The following PDZRN4 variants were observed in gnomAD, a reference collection of about 807,000 sequenced individuals.
PDZRN4 encodes PDZ domain-containing RING finger protein 4.
PDZRN4 carries 70 observed loss-of-function variants against 99.0 expected under a neutral mutation model. The ratio of observed to expected loss-of-function variants is 0.71; its 90% confidence interval spans 0.58 to 0.86. PDZRN4 has a LOEUF of 0.86. PDZRN4 is among the 40% of genes least tolerant of loss of function. PDZRN4 has a pLI of 0.00. For missense variants in PDZRN4, 1,474 were observed against 1,331.2 expected (o/e 1.11, Z -1.67); for synonymous variants, 551 against 501.6 (o/e 1.10, Z -1.32).
intron 5 of PDZRN4, among the ~76,000 whole-genome samples, chr12:41,533,506 C>T (rs1024569012): frequency 6.6e-6 from 1 of 152,172 alleles, no homozygotes; most frequent in African/African-American, 2.4e-5. Context: ...TAGTAACCCT[C>T]ATTATTTATT....
intron 3 of PDZRN4, among the ~76,000 whole-genome samples, chr12:41,311,999 C>T (rs1015399440): frequency 1.3e-5 from 2 of 152,094 alleles, no homozygotes; most frequent in Admixed American, 1.3e-4. Flanking sequence ...CTTTTTATAG[C>T]TACCAGGCAG....
At chr12:41,509,136 GCT>G (rs1431251793) in intron 4 of PDZRN4, among the ~76,000 whole-genome samples, 2 of 152,094 alleles carry the variant, frequency 1.3e-5, no homozygotes, top group African/African-American at 4.8e-5. Flanking sequence ...AATGTAATCT[GCT>G]CTCTCTGTCA....
At chr12:41,202,012 G>T (rs1407296097) in intron 3 of PDZRN4, among the ~76,000 whole-genome samples, 1 of 152,148 alleles carries the variant, frequency 6.6e-6, no homozygotes. Flanking sequence ...TTACATGCTT[G>T]CCTGCAAAGC....
chr12:41,544,026 A>G (rs541005865), intron 5 of PDZRN4, among the ~76,000 whole-genome samples: 1 of 152,228 alleles, frequency 6.6e-6, no homozygotes, highest in Non-Finnish European at 1.5e-5. Context: ...GATGGACCAG[A>G]AATAACTACT....
intron 5 of PDZRN4, among the ~76,000 whole-genome samples, chr12:41,537,214 T>C (rs993725666): frequency 2.0e-5 from 3 of 152,146 alleles, no homozygotes; most frequent in Non-Finnish European, 4.4e-5. Flanking sequence ...CTCTGTGTAC[T>C]CAGAGGGTGG....
intron 3 of PDZRN4, among the ~76,000 whole-genome samples, chr12:41,215,841 A>C (rs2120711187): frequency 9.4e-6 from 1 of 106,840 alleles, no homozygotes; most frequent in East Asian, 3.0e-4. Flanking sequence ...AAACACGCTA[A>C]GCCTCCATAG....
chr12:41,416,878 T>C (rs1952449902), intron 3 of PDZRN4, among the ~76,000 whole-genome samples: 1 of 152,194 alleles, frequency 6.6e-6, no homozygotes, highest in Non-Finnish European at 1.5e-5. Flanking sequence ...TCCAAATATG[T>C]GTAAACTTTC....
chr12:41,200,177 G>C (rs549958431), intron 3 of PDZRN4, among the ~76,000 whole-genome samples: 6 of 152,208 alleles, frequency 3.9e-5, no homozygotes, highest in Non-Finnish European at 8.8e-5. Flanking sequence ...TCTGTGGATG[G>C]AGGCAGCCTC....
At chr12:41,252,095 G>A (rs1188360247) in intron 3 of PDZRN4, among the ~76,000 whole-genome samples, 1 of 151,690 alleles carries the variant, frequency 6.6e-6, no homozygotes, top group Non-Finnish European at 1.5e-5. Context: ...CAGATCGGGT[G>A]AAAAAGCAAG....
intron 3 of PDZRN4, among the ~76,000 whole-genome samples, chr12:41,307,960 A>G (rs1190812456): frequency 6.6e-6 from 1 of 152,090 alleles, no homozygotes; most frequent in Non-Finnish European, 1.5e-5. Flanking sequence ...AAAAGCAAAA[A>G]CTAAAGCTTA....
intron 3 of PDZRN4, among the ~76,000 whole-genome samples, chr12:41,263,935 C>T (rs1951260802): frequency 6.6e-6 from 1 of 152,112 alleles, no homozygotes; most frequent in African/African-American, 2.4e-5. Flanking sequence ...CCTCTGTGAT[C>T]AAAGGTAAAA....
intron 3 of PDZRN4, among the ~76,000 whole-genome samples, chr12:41,300,151 A>G (rs533617109): frequency 2.0e-5 from 3 of 152,100 alleles, no homozygotes; most frequent in African/African-American, 4.8e-5. Context: ...GGAAAATACT[A>G]TGTAACAATG....
intron 3 of PDZRN4, among the ~76,000 whole-genome samples, chr12:41,382,126 T>G (rs969075531): frequency 6.6e-6 from 1 of 152,174 alleles, no homozygotes; most frequent in Non-Finnish European, 1.5e-5. Context: ...GTGCTGCTAG[T>G]TGGACTCAGC....
intron 3 of PDZRN4, among the ~76,000 whole-genome samples, chr12:41,463,369 A>T (rs1273392961): frequency 6.6e-6 from 1 of 152,050 alleles, no homozygotes; most frequent in Non-Finnish European, 1.5e-5. Flanking sequence ...AGTACTCCTA[A>T]TTTATATGTC....
At chr12:41,391,393 A>C (rs966672415) in intron 3 of PDZRN4, among the ~76,000 whole-genome samples, 1 of 152,178 alleles carries the variant, frequency 6.6e-6, no homozygotes, top group Admixed American at 6.5e-5. Flanking sequence ...GCATAAATTT[A>C]TGAATGGTAC....
intron 3 of PDZRN4, among the ~76,000 whole-genome samples, chr12:41,281,846 C>T (rs1216653417): frequency 6.9e-6 from 1 of 145,144 alleles, no homozygotes; most frequent in Admixed American, 6.7e-5. Flanking sequence ...ACCACCAGGC[C>T]TGCCTTACAA....
At chr12:41,480,165 T>C (rs1485117450) in intron 3 of PDZRN4, among the ~76,000 whole-genome samples, 1 of 152,168 alleles carries the variant, frequency 6.6e-6, no homozygotes, top group East Asian at 1.9e-4. Context: ...TTCTTTCACC[T>C]GCCACCTGTT....
chr12:41,240,343 G>A (rs1420204018), intron 3 of PDZRN4, among the ~76,000 whole-genome samples: 2 of 152,098 alleles, frequency 1.3e-5, no homozygotes, highest in African/African-American at 2.4e-5. Flanking sequence ...GACCACACAA[G>A]GCCCTGTCTC....
intron 3 of PDZRN4, among the ~76,000 whole-genome samples, chr12:41,435,368 A>G (rs1952619365): frequency 6.6e-6 from 1 of 152,234 alleles, no homozygotes; most frequent in South Asian, 2.1e-4. Context: ...TAAATTTCTT[A>G]CTTGGCTTTC....
Sources: allele counts gnomAD v4.1 joint callset (sites outside exome capture counted in the v4.1 genomes callset), GRCh38; gene constraint gnomAD v4.1.1; transcripts MANE v1.5; gene names NCBI Gene and HGNC (gene_info 2026-07-23, HGNC 2026-07-21).